Variants in ERAL1 observed in about 807,000 individuals in gnomAD.
ERAL1 encodes GTPase Era, mitochondrial.
A neutral mutation model predicts 53.6 loss-of-function variants in ERAL1; 36 were observed. That is an observed-to-expected ratio of 0.67 (90% CI 0.51 to 0.89). The LOEUF (loss-of-function observed/expected upper bound fraction) is 0.89. Among genes scored for constraint, ERAL1 ranks in the 40% least tolerant of loss-of-function variants. The pLI is 0.00. For missense variants in ERAL1, 512 were observed against 537.5 expected (o/e 0.95, Z 0.47); for synonymous variants, 215 against 211.8 (o/e 1.02, Z -0.13).
At chr17:28,856,232 T>G (rs1210084476) in intron 1 of ERAL1, 32 bp from the exon 2 acceptor site, 2 of 1,612,558 alleles carry the variant, frequency 1.2e-6, no homozygotes, top group Non-Finnish European at 1.7e-6. Context: ...CAGATTCCAC[T>G]GTGTCTCATG....
chr17:28,857,992 G>A lies in ERAL1; in HGVS notation c.536+7G>A. ...GTCCTGGTAAACAGAAGAGGTAATG[G>A]TGGTGGAATTGGGGTGGATTGGCGG... On this transcript the variant is annotated splice_region_variant and intron_variant, in intron 4 of 9. Transcript: ENST00000254928. 2 of 1,614,122 alleles carry A rather than the reference G, an allele frequency of 1.2e-6. No homozygotes were observed. The highest frequency in any genetic ancestry group is 1.7e-6 in the Non-Finnish European group (2 of 1,180,026).
chr17:28,859,495 C>T (rs1378652978), intron 9 of ERAL1, among the ~76,000 whole-genome samples: 3 of 151,656 alleles, frequency 2.0e-5, no homozygotes, highest in Non-Finnish European at 2.9e-5. Flanking sequence ...CTCAAGCAAT[C>T]CTCCCGCCTC....
chr17:28,855,403 A>G, intron 1 of ERAL1, 86 bp downstream of exon 1: 5 of 1,433,848 alleles, frequency 3.5e-6, no homozygotes, highest in Admixed American at 2.8e-5. Flanking sequence ...ATTCTATTTT[A>G]TAGAAAACAA....
At chr17:28,860,279 C>A (rs1291276943) in intron 9 of ERAL1, 152 bp from the exon 10 acceptor site, 3 of 841,006 alleles carry the variant, frequency 3.6e-6, no homozygotes, top group African/African-American at 1.8e-5. Context: ...GCCCGGCCAC[C>A]CTCTCTTTTT....
Position 28,860,608 on chromosome 17 carries a change from G to T in ERAL1, c.*55G>T. 1.3e-6 allele frequency: 2 copies of T among 1,540,028 alleles called. No homozygotes were observed. The highest frequency in any genetic ancestry group is 2.5e-5 in the South Asian group (2 of 78,622). On this transcript the variant is annotated 3_prime_UTR_variant, in exon 10 of 10. Coordinates refer to ENST00000254928, the MANE Select transcript of ERAL1 (RefSeq NM_005702.4). ...CCAGCTCAAGCTGCTGGCAGGAACT[G>T]ACCAGTTCTGTCCTTGGCTGGGGAC...
At position 28,859,239 on chromosome 17, in the gene ERAL1, C is replaced by G. The variant is rs749733305; in HGVS notation, c.1147C>G (p.Leu383Val). Residue 383 changes from leucine to valine, a missense_variant, in exon 9 of 10, where the codon CTG becomes GTG. Transcript: ENST00000254928. The part of the protein sequence containing the change: ...AVWEEGPGGE[L>V]VIQQKLLVPK... ...GTGGGAGGAAGGACCAGGTGGGGAG[C>G]TGGTTATCCAACAGAAGCTTCTGGT... 40 of 1,614,024 alleles carry G rather than the reference C, an allele frequency of 2.5e-5. No individual in the cohort carries two copies. The highest frequency in any genetic ancestry group is 3.4e-5 in the Non-Finnish European group (40 of 1,180,034).
chr17:28,855,484 G>A (rs971155346), intron 1 of ERAL1, among the ~76,000 whole-genome samples, 167 bp downstream of exon 1: 2 of 152,206 alleles, frequency 1.3e-5, no homozygotes, highest in Non-Finnish European at 2.9e-5. Context: ...AGTGGGAGAA[G>A]GAAACGATCT....
chr17:28,856,175 C>G (rs2039239980), intron 1 of ERAL1, 89 bp from the exon 2 acceptor site: 1 of 1,541,614 alleles, frequency 6.5e-7, no homozygotes, highest in African/African-American at 1.4e-5. Context: ...ATTTTGTACC[C>G]CTGCTCCCTT....
chr17:28,857,960 A>G lies in ERAL1; in HGVS notation c.511A>G (p.Ile171Val), dbSNP rs1253154473. 6.2e-6 allele frequency: 10 copies of G among 1,614,118 alleles called. No individual in the cohort carries two copies. The highest frequency in any genetic ancestry group is 2.2e-5 in the South Asian group (2 of 91,074). The change falls in exon 4 of 10, where the codon ATT becomes GTT. Residue 171 changes from isoleucine (I) to valine (V), a missense_variant. By Grantham distance (29) the Ile-to-Val change is conservative. Coordinates refer to ENST00000254928, the MANE Select transcript of ERAL1 (RefSeq NM_005702.4). ...TTAGATTCTACTTGACACACCTGGC[A>G]TTATCAGTCCTGGTAAACAGAAGAG... ...TQVILLDTPG[I>V]ISPGKQKRHH... is the part of the protein sequence containing the mutation.
chr17:28,856,397 C>G lies in ERAL1; in HGVS notation c.411+6C>G. On this transcript the variant is annotated splice_donor_region_variant and intron_variant, in intron 2 of 9. Coordinates refer to ENST00000254928, the MANE Select transcript of ERAL1 (RefSeq NM_005702.4). ...ACCAGCTACTGGGCCGAAAGGTATG[C>G]TACACCCTTGACCATCCTACCCTTT... 1 of 1,613,832 alleles carries G rather than the reference C, an allele frequency of 6.2e-7. No individual in the cohort carries two copies. Among genetic ancestry groups the G allele is most frequent in the South Asian group, 1.1e-5 (1 of 91,082 alleles).
intron 7 of ERAL1, 64 bp from the exon 8 acceptor site, chr17:28,858,900 C>G: frequency 6.2e-7 from 1 of 1,611,734 alleles, no homozygotes; most frequent in South Asian, 1.1e-5. Context: ...CTCCTGGAAG[C>G]AAAAGTGAGG....
chr17:28,859,834 A>AT (rs945449966), intron 9 of ERAL1, among the ~76,000 whole-genome samples: 2 of 151,532 alleles, frequency 1.3e-5, no homozygotes, highest in African/African-American at 4.9e-5. Context: ...ATTTAAAAAA[A>AT]TTTTTTTGTA....
chr17:28,858,432 G>A lies in ERAL1; in HGVS notation c.657G>A (p.Leu219=). The change falls in exon 6 of 10, where the codon TTG becomes TTA. Residue 219 remains leucine (L), a synonymous_variant. Coordinates refer to ENST00000254928, the MANE Select transcript of ERAL1 (RefSeq NM_005702.4). ...KWTRNQLSPQ[L]LRCLTKYSQI... ...CACGGAACCAGCTCAGCCCCCAGTT[G>A]CTCAGGTGCTTGACCAAGTACTCCC... 2 of 1,614,128 alleles carry A rather than the reference G, an allele frequency of 1.2e-6. No individual in the cohort carries two copies. The highest frequency in any genetic ancestry group is 1.7e-6 in the Non-Finnish European group (2 of 1,180,024).
rs763183088 is a variant in ERAL1, at chr17:28,855,184, C to T, written c.150C>T (p.Ser50=). ...GGTGCGTGTCCTGCGTCGCGGGGTC[C>T]GCTTTCTCTGGTCCCCGCTTGGCCT... ...QRRCVSCVAG[S]AFSGPRLASA... is the part of the protein sequence containing the mutation. The change falls in exon 1 of 10, where the codon TCC becomes TCT. Residue 50 remains serine, a synonymous_variant. Coordinates refer to ENST00000254928, the MANE Select transcript of ERAL1 (RefSeq NM_005702.4). The T allele has an allele frequency of 2.5e-6, 4 of 1,614,240 alleles. No homozygotes were observed. Among genetic ancestry groups the T allele is most frequent in the Admixed American group, 1.7e-5 (1 of 60,034 alleles).
intron 1 of ERAL1, among the ~76,000 whole-genome samples, chr17:28,855,679 A>G (rs1257059197): frequency 1.3e-5 from 2 of 151,916 alleles, no homozygotes; most frequent in African/African-American, 2.4e-5. Context: ...AGTGTCCGGT[A>G]TTGGAGACTG....
In ERAL1 at chr17:28,855,048, G is replaced by T; in HGVS notation, c.14G>T (p.Ser5Ile). The T allele has an allele frequency of 6.3e-7, 1 of 1,594,818 alleles. No homozygotes were observed. Among genetic ancestry groups the T allele is most frequent in the Non-Finnish European group, 8.6e-7 (1 of 1,167,848 alleles). The change falls in exon 1 of 10, where the codon AGC becomes ATC. Residue 5 changes from serine (S) to isoleucine (I), a missense_variant. Ser to Ile is a moderately radical substitution (Grantham distance 142). Coordinates refer to ENST00000254928, the MANE Select transcript of ERAL1 (RefSeq NM_005702.4). MAAP[S>I]WRGARLVQSV... ...CTTGCGGCTGTAATGGCTGCCCCCA[G>T]CTGGCGCGGGGCTAGGCTTGTTCAA...
Position 28,855,069 on chromosome 17 carries a change from T to C in ERAL1, c.35T>C (p.Val12Ala). 6.2e-7 allele frequency: 1 copy of C among 1,612,090 alleles called. No homozygotes were observed. Among genetic ancestry groups the C allele is most frequent in the South Asian group, 1.1e-5 (1 of 90,942 alleles). The part of the protein sequence containing the change: ...AAPSWRGARL[V>A]QSVLRVWQVG... ...CCCAGCTGGCGCGGGGCTAGGCTTGTTCAATCGGTGTTAAGAGTCTGGCAG... is the reference window on the plus strand; with the variant it reads ...CCCAGCTGGCGCGGGGCTAGGCTTGCTCAATCGGTGTTAAGAGTCTGGCAG... Residue 12 changes from valine to alanine, a missense_variant, in exon 1 of 10, where the codon GTT becomes GCT. Transcript: ENST00000254928.
Position 28,855,758 on chromosome 17 carries a change from C to T in ERAL1, c.283+441C>T, listed in dbSNP as rs562246432. 5.4e-5 allele frequency among the ~76,000 whole-genome samples: 8 copies of T among 149,072 alleles called. No individual in the cohort carries two copies. In the South Asian group the frequency reaches 1.7e-3, roughly 32 times the overall value. ...ATAAAAAGACTGGGCCCTCTCCCTT[C>T]TTGACCCTTAGCCCTTCCTCCCGTC... On this transcript the variant is annotated intron_variant, in intron 1 of 9. Transcript: ENST00000254928.
Position 28,860,780 on chromosome 17 carries a change from G to C in ERAL1, c.*227G>C, listed in dbSNP as rs990877985. ...AGTTTCCAGGTGGTTCCTCTGCCTG[G>C]CACCACAGCTACAAAGGTGTAGCTA... On this transcript the variant is annotated 3_prime_UTR_variant, in exon 10 of 10. Transcript: ENST00000254928. 1 of 379,114 alleles carries C rather than the reference G, an allele frequency of 2.6e-6. No individual in the cohort carries two copies. The highest frequency in any genetic ancestry group is 2.2e-5 in the African/African-American group (1 of 46,390). The allele number at this position is 379,114 out of a possible 1,614,324, so 23.5% of individuals were successfully genotyped here. A position where few individuals can be genotyped will look rare whatever the true frequency, so the allele number is the denominator to read the frequency against.
Sources: allele counts gnomAD v4.1 joint callset (sites outside exome capture counted in the v4.1 genomes callset), GRCh38; gene constraint gnomAD v4.1.1; transcripts MANE v1.5; gene names NCBI Gene and HGNC (gene_info 2026-07-23, HGNC 2026-07-21).